NUGGC: variants seen among roughly 807,000 people sequenced by gnomAD.
NUGGC encodes the protein nuclear GTPase, germinal center associated.
Under a neutral mutation model 92.6 loss-of-function variants are expected in NUGGC, and 58 were observed. That is an observed-to-expected ratio of 0.63 (90% CI 0.51 to 0.78). NUGGC has a LOEUF of 0.78. Among genes scored for constraint, NUGGC ranks in the 30% least tolerant of loss-of-function variants. The pLI is 0.00. For synonymous variants in NUGGC, 376 were observed against 366.4 expected, an observed-to-expected ratio of 1.03 and a Z score of -0.30; for missense variants, 925 against 964.6, an observed-to-expected ratio of 0.96 and a Z score of 0.54.
chr8:28,025,108 T>G (rs1809223785), intron 18 of NUGGC, among the ~76,000 whole-genome samples: 1 of 152,214 alleles, frequency 6.6e-6, no homozygotes, highest in Non-Finnish European at 1.5e-5. Flanking sequence ...TGGGGACTCT[T>G]GCCTGTATTG....
chr8:28,048,272 T>C (rs1038686260), intron 10 of NUGGC, among the ~76,000 whole-genome samples: 1 of 152,196 alleles, frequency 6.6e-6, no homozygotes, highest in African/African-American at 2.4e-5. Context: ...AATCACAAGG[T>C]GGTTGTCACT....
At chr8:28,061,212 C>G (rs1207647440) in intron 7 of NUGGC, among the ~76,000 whole-genome samples, 4 of 152,246 alleles carry the variant, frequency 2.6e-5, no homozygotes, top group Non-Finnish European at 4.4e-5. Context: ...TGATGTTTGA[C>G]TGCCCCTGCA....
At chr8:28,080,346 A>G (rs1449856941) in intron 1 of NUGGC, among the ~76,000 whole-genome samples, 3 of 152,212 alleles carry the variant, frequency 2.0e-5, no homozygotes, top group East Asian at 1.9e-4. Flanking sequence ...TCTGTGTTCA[A>G]TGCAAAATTC....
intron 18 of NUGGC, among the ~76,000 whole-genome samples, chr8:28,024,251 G>T (rs762012339): frequency 4.1e-5 from 6 of 147,742 alleles, no homozygotes; most frequent in Non-Finnish European, 7.4e-5. Flanking sequence ...CACCACGTTG[G>T]CCAGGCTGGT....
chr8:28,079,577 C>G (rs549378556), intron 1 of NUGGC, among the ~76,000 whole-genome samples: 4 of 152,272 alleles, frequency 2.6e-5, no homozygotes, highest in Admixed American at 6.5e-5. Flanking sequence ...CAGATCCAGA[C>G]CCTGAGGACC....
At chr8:28,066,466 T>C (rs1259781815) in intron 6 of NUGGC, among the ~76,000 whole-genome samples, 1 of 152,228 alleles carries the variant, frequency 6.6e-6, no homozygotes, top group African/African-American at 2.4e-5. Flanking sequence ...ATTATGTAAG[T>C]ATCATTAATA....
At chr8:28,061,295 A>G (rs1267361995) in intron 7 of NUGGC, among the ~76,000 whole-genome samples, 1 of 152,258 alleles carries the variant, frequency 6.6e-6, no homozygotes, top group African/African-American at 2.4e-5. Flanking sequence ...GCCAATGAAC[A>G]TGAAACAACA....
intron 1 of NUGGC, among the ~76,000 whole-genome samples, chr8:28,076,455 A>G (rs1256459810): frequency 1.3e-5 from 2 of 152,086 alleles, no homozygotes; most frequent in African/African-American, 4.8e-5. Context: ...TTGCACCATC[A>G]TGCCTGGCTA....
chr8:28,064,875 G>C (rs1810399460), intron 6 of NUGGC, 144 bp from the exon 7 acceptor site: 2 of 655,684 alleles, frequency 3.1e-6, no homozygotes, highest in Non-Finnish European at 5.2e-6. Context: ...AGGTCTGTAG[G>C]ACCTAGAACC....
intron 1 of NUGGC, 38 bp from the exon 2 acceptor site, chr8:28,074,494 A>G (rs892938866): frequency 1.4e-6 from 2 of 1,429,066 alleles, no homozygotes; most frequent in Non-Finnish European, 2.0e-6. Context: ...GGGGCAGCGG[A>G]ATTTGAAAAT....
chr8:28,063,903 G>A (rs191339273), intron 7 of NUGGC, among the ~76,000 whole-genome samples: 218 of 152,150 alleles, frequency 1.4e-3, no homozygotes, highest in African/African-American at 3.5e-3. Flanking sequence ...GCTCCAGAGC[G>A]CCTCTGTTTA....
rs188474702 is a variant in NUGGC at position 28,061,147 on chromosome 8, A to G, written c.922-546T>C. 5.0e-3 allele frequency among the ~76,000 whole-genome samples: 769 copies of G among 152,336 alleles called. 2 individuals carry two copies. The highest frequency in any genetic ancestry group is 0.024 in the Middle Eastern group (7 of 294). Reference sequence around the variant, plus strand: ...CCCTGGGGAAAATTCTTGTTTTTCCAGAACTAGGTTTGGTGGTGCACCTAC... The same window carrying G: ...CCCTGGGGAAAATTCTTGTTTTTCCGGAACTAGGTTTGGTGGTGCACCTAC... On this transcript the variant is annotated intron_variant, in intron 7 of 18. Coordinates refer to ENST00000413272, the MANE Select transcript of NUGGC (RefSeq NM_001010906.2).
chr8:28,023,073 A>C lies in NUGGC; in HGVS notation c.*244T>G. The stretch of plus-strand genomic sequence containing the variant: ...TGACACAGCGAGACTCTGTCTCAAA[A>C]AAAAAAAAAAAAAAATTACCCAGGT... On this transcript the variant is annotated 3_prime_UTR_variant, in exon 19 of 19. Coordinates refer to ENST00000413272, the MANE Select transcript of NUGGC (RefSeq NM_001010906.2). 1 of 298,048 alleles carries C rather than the reference A, an allele frequency of 3.4e-6. No individual in the cohort carries two copies. The highest frequency in any genetic ancestry group is 9.5e-5 in the South Asian group (1 of 10,508). The allele number at this position is 298,048 out of a possible 1,614,324, so 18.5% of individuals were successfully genotyped here.
In NUGGC at chr8:28,037,784, CT is replaced by C. The variant is rs1319747653; in HGVS notation, c.1611+3266del. ...AGCAGGCCCGGAAATGGCTATCCCC[CT>C]GTTCCTCTAGACCAGTGATTCTCAA... On this transcript the variant is annotated intron_variant, in intron 13 of 18. Transcript: ENST00000413272. 3.3e-5 allele frequency among the ~76,000 whole-genome samples: 5 copies of C among 152,226 alleles called. No homozygotes were observed. The East Asian group carries it at 5.8e-4, about 18-fold the overall frequency.
chr8:28,063,827 C>T lies in NUGGC; in HGVS notation c.921+695G>A, dbSNP rs79367695. Among the ~76,000 whole-genome samples, 12 of 152,344 alleles carry T rather than the reference C, an allele frequency of 7.9e-5. No individual in the cohort carries two copies. In the East Asian group the frequency reaches 2.3e-3, roughly 29 times the overall value. On this transcript the variant is annotated intron_variant, in intron 7 of 18. Transcript: ENST00000413272. ...CAGCTGCTGTGCTGCTCACAACTCA[C>T]TGATGCTGGTCCCCCTCTCCCAGTC...
At chr8:28,027,246 A>G (rs562709388) in intron 17 of NUGGC, among the ~76,000 whole-genome samples, 194 bp from the exon 18 acceptor site, 7 of 152,340 alleles carry the variant, frequency 4.6e-5, no homozygotes, top group African/African-American at 1.2e-4. Context: ...CAGCAAGACA[A>G]CATTTCTGTG....
chr8:28,045,554 A>G lies in NUGGC; in HGVS notation c.1419T>C (p.Asp473=). 1 of 1,612,674 alleles carries G rather than the reference A, an allele frequency of 6.2e-7. No homozygotes were observed. The highest frequency in any genetic ancestry group is 8.5e-7 in the Non-Finnish European group (1 of 1,179,748). The change falls in exon 12 of 19, where the codon GAT becomes GAC. Residue 473 remains aspartate, a synonymous_variant. Transcript: ENST00000413272. ...GCAGGTTTTGCGTGGAGTTGAAACTATCTGTGAGGAGCAACAGGCCAAAGG... is the reference window on the plus strand; with the variant it reads ...GCAGGTTTTGCGTGGAGTTGAAACTGTCTGTGAGGAGCAACAGGCCAAAGG... The part of the protein sequence containing the change: ...TEAFGLLLLT[D]SFNSTQNLPN...
chr8:28,047,047 T>A (rs543294556), intron 11 of NUGGC, among the ~76,000 whole-genome samples: 1 of 152,148 alleles, frequency 6.6e-6, no homozygotes, highest in South Asian at 2.1e-4. Flanking sequence ...CTTGGCTCAC[T>A]GCAACCTCTG....
At chr8:28,032,489 G>A (rs371268769) in intron 14 of NUGGC, among the ~76,000 whole-genome samples, 7 of 152,052 alleles carry the variant, frequency 4.6e-5, no homozygotes, top group East Asian at 3.9e-4. Flanking sequence ...AGGCCGAGGC[G>A]GGCAGATCAC....
Sources: allele counts gnomAD v4.1 joint callset (sites outside exome capture counted in the v4.1 genomes callset), GRCh38; gene constraint gnomAD v4.1.1; transcripts MANE v1.5; gene names NCBI Gene and HGNC (gene_info 2026-07-23, HGNC 2026-07-21).